The following TMEM117 variants were observed in gnomAD, a reference collection of about 807,000 sequenced individuals.
The protein encoded by TMEM117 is transmembrane protein 117.
A neutral mutation model predicts 52.4 loss-of-function variants in TMEM117; 27 were observed. The ratio of observed to expected loss-of-function variants is 0.51; its 90% CI spans 0.38 to 0.71. The LOEUF (loss-of-function observed/expected upper bound fraction) is 0.71. TMEM117 is among the 30% of genes least tolerant of loss of function. The probability of loss-of-function intolerance (pLI) is 0.00; values close to 1 mark genes in which losing one functional copy is unlikely to be tolerated. For synonymous variants in TMEM117, 215 were observed against 206.3 expected (o/e 1.04, Z -0.36); for missense variants, 556 against 630.5 (o/e 0.88, Z 1.26).
the TMEM117 span, among the ~76,000 whole-genome samples, chr12:43,810,478 C>A: frequency 5.3e-5 from 8 of 152,268 alleles, no homozygotes; most frequent in African/African-American, 1.4e-4. Context: ...GTAATCGCAA[C>A]ACAGGCCACT....
intron 3 of TMEM117, among the ~76,000 whole-genome samples, chr12:44,119,726 A>C (rs1359984935): frequency 6.6e-6 from 1 of 152,186 alleles, no homozygotes; most frequent in Non-Finnish European, 1.5e-5. Context: ...TGTTAGCATC[A>C]CCAGGAGGTT....
At chr12:43,855,970 A>G (rs1257409477) in intron 2 of TMEM117, among the ~76,000 whole-genome samples, 1 of 152,230 alleles carries the variant, frequency 6.6e-6, no homozygotes, top group Admixed American at 6.5e-5. Context: ...TATTATTTTA[A>G]TACAATGATA....
At chr12:43,919,840 G>T in intron 2 of TMEM117, among the ~76,000 whole-genome samples, 2 of 113,420 alleles carry the variant, frequency 1.8e-5, no homozygotes, top group South Asian at 2.7e-4. Context: ...ACAAGTGTGA[G>T]GTGATATCTC....
chr12:44,163,524 C>T (rs2138260628), intron 4 of TMEM117, among the ~76,000 whole-genome samples: 1 of 152,320 alleles, frequency 6.6e-6, no homozygotes, highest in Non-Finnish European at 1.5e-5. Context: ...CCTAAGCATA[C>T]TTTGCCTTAG....
intron 3 of TMEM117, among the ~76,000 whole-genome samples, chr12:44,037,877 G>T (rs1001156633): frequency 6.6e-6 from 1 of 151,936 alleles, no homozygotes; most frequent in African/African-American, 2.4e-5. Context: ...GAGCACTCCA[G>T]GGTCTCCTCT....
chr12:44,058,604 T>G lies in TMEM117; in HGVS notation c.411-84921T>G, dbSNP rs1947092805. Among the ~76,000 whole-genome samples the G allele has an allele frequency of 2.6e-5, 4 of 152,308 alleles. No individual in the cohort carries two copies. In the South Asian group the frequency reaches 8.3e-4, roughly 32 times the overall value. ...GTTACCTTGGTGACTTAAGAAAATA[T>G]CCATACAGACATACTCATTCTTAAA... On this transcript the variant is annotated intron_variant, in intron 3 of 7. Coordinates refer to ENST00000266534, the MANE Select transcript of TMEM117 (RefSeq NM_032256.3).
At chr12:44,395,321 A>G in the TMEM117 span, among the ~76,000 whole-genome samples, 1 of 152,152 alleles carries the variant, frequency 6.6e-6, no homozygotes. Context: ...GTCTCCTATA[A>G]TTGGTCCACT....
At chr12:44,167,294 G>A (rs1252711309) in intron 4 of TMEM117, among the ~76,000 whole-genome samples, 1 of 152,090 alleles carries the variant, frequency 6.6e-6, no homozygotes, top group Non-Finnish European at 1.5e-5. Flanking sequence ...TGCCTCCCAG[G>A]GATCAATATA....
chr12:44,004,162 C>G (rs916344523), intron 3 of TMEM117, among the ~76,000 whole-genome samples: 1 of 152,178 alleles, frequency 6.6e-6, no homozygotes, highest in African/African-American at 2.4e-5. Context: ...TTCCTGCTCT[C>G]GAACCCTGCT....
chr12:43,861,435 T>A (rs1220133877), intron 2 of TMEM117, among the ~76,000 whole-genome samples: 1 of 152,222 alleles, frequency 6.6e-6, no homozygotes, highest in African/African-American at 2.4e-5. Context: ...GTTGCTCCCC[T>A]GCTTCTATTT....
intron 3 of TMEM117, chr12:44,008,631 A>G (rs1448990813): frequency 3.5e-5 from 8 of 230,804 alleles, no homozygotes; most frequent in Non-Finnish European, 6.0e-5. Flanking sequence ...CAGTTTAGCG[A>G]CATTAAACAT....
At chr12:44,102,278 A>T (rs1947874677) in intron 3 of TMEM117, among the ~76,000 whole-genome samples, 1 of 152,148 alleles carries the variant, frequency 6.6e-6, no homozygotes. Flanking sequence ...GGAATCGGCT[A>T]TCTAGAATAG....
intron 3 of TMEM117, among the ~76,000 whole-genome samples, chr12:43,991,657 A>G (rs147011774): frequency 2.0e-4 from 30 of 152,342 alleles, no homozygotes; most frequent in African/African-American, 6.7e-4. Context: ...AGAGACTGCT[A>G]CATAATATAT....
intron 3 of TMEM117, among the ~76,000 whole-genome samples, chr12:44,139,008 T>C (rs2138189604): frequency 6.6e-6 from 1 of 152,292 alleles, no homozygotes; most frequent in South Asian, 2.1e-4. Context: ...TTTGCTTTAG[T>C]TTTAGTGTGT....
chr12:44,233,503 G>A (rs977056482), intron 5 of TMEM117, among the ~76,000 whole-genome samples: 3 of 150,918 alleles, frequency 2.0e-5, no homozygotes, highest in African/African-American at 4.8e-5. Flanking sequence ...TCATGGTCAC[G>A]TTTAATTACT....
At position 44,139,024 on chromosome 12, in the gene TMEM117, G is replaced by A. The variant is rs537290529; in HGVS notation, c.411-4501G>A. Among the ~76,000 whole-genome samples the A allele has an allele frequency of 8.5e-5, 13 of 152,230 alleles. No homozygotes were observed. The East Asian group carries it at 2.3e-3, about 27-fold the overall frequency. ...TTGCTTTAGTTTTAGTGTGTTTAAT[G>A]CAGACCTGTACTCATGCAAGTCAAC... is the stretch of plus-strand genomic sequence containing the variant. On this transcript the variant is annotated intron_variant, in intron 3 of 7. Transcript: ENST00000266534.
the TMEM117 span, among the ~76,000 whole-genome samples, chr12:43,830,122 C>G: frequency 6.7e-6 from 1 of 148,660 alleles, no homozygotes; most frequent in South Asian, 2.2e-4. Flanking sequence ...TGTAGGGGGA[C>G]AGGCAGCAGC....
At chr12:44,285,815 T>C (rs1950631717) in intron 5 of TMEM117, among the ~76,000 whole-genome samples, 1 of 152,230 alleles carries the variant, frequency 6.6e-6, no homozygotes, top group African/African-American at 2.4e-5. Flanking sequence ...TGGTACTTAG[T>C]GTTCACAGGC....
At chr12:44,354,467 A>G (rs1345240291) in intron 6 of TMEM117, among the ~76,000 whole-genome samples, 1 of 152,016 alleles carries the variant, frequency 6.6e-6, no homozygotes, top group African/African-American at 2.4e-5. Flanking sequence ...AAGCTTATCC[A>G]CCATGATCAA....
Sources: gnomAD v4.1 joint callset for allele counts (sites outside exome capture counted in the v4.1 genomes callset) on GRCh38, gnomAD v4.1.1 for gene constraint, MANE v1.5 for transcripts, NCBI Gene and HGNC (gene_info 2026-07-23, HGNC 2026-07-21) for gene names.